EFCAB5: variants seen among roughly 807,000 people sequenced by gnomAD.
The protein encoded by EFCAB5 is EF-hand calcium binding domain 5.
In EFCAB5, 131 loss-of-function variants were observed where a neutral mutation model predicts 167.9. The observed-to-expected ratio is 0.78, with a 90% confidence interval of 0.68 to 0.90. The LOEUF (loss-of-function observed/expected upper bound fraction) is 0.90. EFCAB5 is among the 40% of genes least tolerant of loss of function. EFCAB5 has a pLI of 0.00. For synonymous variants in EFCAB5, 574 were observed against 602.8 expected, an observed-to-expected ratio of 0.95 and a Z score of 0.70; for missense variants, 1,663 against 1,745.2, an observed-to-expected ratio of 0.95 and a Z score of 0.84.
chr17:29,989,740 T>C (rs957213096), intron 4 of EFCAB5, among the ~76,000 whole-genome samples: 4 of 152,242 alleles, frequency 2.6e-5, no homozygotes, highest in African/African-American at 9.6e-5. Flanking sequence ...CTTTTTCTAA[T>C]TGTTCAGTAA....
At chr17:30,027,355 G>T (rs1260656956) in intron 7 of EFCAB5, among the ~76,000 whole-genome samples, 1 of 134,866 alleles carries the variant, frequency 7.4e-6, no homozygotes, top group Non-Finnish European at 1.5e-5. Context: ...TTATGGCAAA[G>T]TAGCATATTT....
intron 21 of EFCAB5, 54 bp downstream of exon 21, chr17:30,092,211 T>C (rs2071213718): frequency 9.8e-6 from 15 of 1,524,348 alleles, no homozygotes; most frequent in Non-Finnish European, 1.3e-5. Context: ...CTAAACAAAT[T>C]TAACTGTACA....
At chr17:29,973,480 CTT>C (rs35478169) in intron 4 of EFCAB5, among the ~76,000 whole-genome samples, 23 of 135,536 alleles carry the variant, frequency 1.7e-4, no homozygotes, top group South Asian at 2.3e-4. Context: ...TTCCTTTTTC[CTT>C]TTTTTTTTTT....
At chr17:30,015,462 C>T (rs1463757612) in intron 7 of EFCAB5, among the ~76,000 whole-genome samples, 3 of 152,196 alleles carry the variant, frequency 2.0e-5, no homozygotes, top group Admixed American at 2.0e-4. Context: ...GGTCTTTTCA[C>T]ATAGTCCCAT....
chr17:29,968,325 C>A (rs567431118), intron 3 of EFCAB5: 1 of 453,904 alleles, frequency 2.2e-6, no homozygotes, highest in Non-Finnish European at 4.4e-6. Flanking sequence ...CCTTTACCAG[C>A]GATTGGTCTG....
chr17:30,057,407 A>G (rs1416203696), intron 12 of EFCAB5, among the ~76,000 whole-genome samples: 1 of 152,218 alleles, frequency 6.6e-6, no homozygotes, highest in Non-Finnish European at 1.5e-5. Flanking sequence ...AGTAGGTTAC[A>G]TTGCTATCAT....
At chr17:29,967,798 A>C (rs2067862505) in intron 3 of EFCAB5, among the ~76,000 whole-genome samples, 1 of 152,132 alleles carries the variant, frequency 6.6e-6, no homozygotes, top group African/African-American at 2.4e-5. Context: ...AAATGAAGAC[A>C]TAAAGGAAGC....
chr17:29,960,425 T>C (rs1302444673), intron 3 of EFCAB5, among the ~76,000 whole-genome samples: 8 of 152,180 alleles, frequency 5.3e-5, no homozygotes, highest in Admixed American at 5.2e-4. Context: ...TCTCTCAAAA[T>C]TTCATTTTTT....
chr17:30,036,718 C>T (rs1015910846), intron 8 of EFCAB5, among the ~76,000 whole-genome samples: 19 of 152,192 alleles, frequency 1.2e-4, no homozygotes, highest in Non-Finnish European at 2.5e-4. Context: ...TGAGCCACCA[C>T]ATCCAGCCTC....
intron 4 of EFCAB5, among the ~76,000 whole-genome samples, chr17:29,972,045 A>AT (rs1001589724): frequency 2.9e-4 from 41 of 142,816 alleles, no homozygotes; most frequent in East Asian, 4.0e-4. Context: ...AACGTCATGC[A>AT]TTTTTTTTTT....
At chr17:30,053,231 T>C (rs1486778107) in intron 9 of EFCAB5, 24 bp from the exon 10 acceptor site, 2 of 1,561,048 alleles carry the variant, frequency 1.3e-6, no homozygotes, top group Non-Finnish European at 1.7e-6. Flanking sequence ...ATGGTTTAAG[T>C]GAATATTTTG....
At chr17:30,098,830 C>T (rs1330093884) in intron 22 of EFCAB5, among the ~76,000 whole-genome samples, 1 of 152,228 alleles carries the variant, frequency 6.6e-6, no homozygotes, top group Non-Finnish European at 1.5e-5. Flanking sequence ...CCCTCTAGCT[C>T]CTGGGAGCCA....
intron 1 of EFCAB5, among the ~76,000 whole-genome samples, chr17:29,935,965 T>C (rs1182690611): frequency 6.6e-6 from 1 of 151,914 alleles, no homozygotes; most frequent in Non-Finnish European, 1.5e-5. Flanking sequence ...TATAGAACTA[T>C]AGAAAAACTA....
chr17:30,064,265 A>C (rs182946234), intron 14 of EFCAB5, among the ~76,000 whole-genome samples: 1 of 152,348 alleles, frequency 6.6e-6, no homozygotes, highest in East Asian at 1.9e-4. Context: ...CAGTTCAACA[A>C]AATCAGGAAA....
upstream of EFCAB5, among the ~76,000 whole-genome samples, chr17:29,937,344 G>T (rs909982506): frequency 2.6e-5 from 4 of 151,938 alleles, no homozygotes; most frequent in Non-Finnish European, 5.9e-5. Flanking sequence ...GTGCCACCAC[G>T]CCCGGCTAAT....
At position 30,053,532 on chromosome 17, in the gene EFCAB5, A is replaced by G; in HGVS notation, c.1578A>G (p.Gln526=). 6.2e-7 allele frequency: 1 copy of G among 1,613,928 alleles called. No individual in the cohort carries two copies. Among genetic ancestry groups the G allele is most frequent in the Non-Finnish European group, 8.5e-7 (1 of 1,179,862 alleles). ...CACAAAGAATTTCAATTGAAGAACA[A>G]CAACAAGGCAAAAAGCCAACTGCAG... is the stretch of plus-strand genomic sequence containing the variant. ...QGPQRISIEE[Q]QQGKKPTAEQ... The change falls in exon 10 of 23, where the codon CAA becomes CAG. Residue 526 remains glutamine (Q), a synonymous_variant. Transcript: ENST00000394835.
chr17:29,946,429 C>CTTTTTTTTTTTTTT (rs58247381), intron 3 of EFCAB5, among the ~76,000 whole-genome samples: 2 of 85,444 alleles, frequency 2.3e-5, no homozygotes, highest in Non-Finnish European at 2.1e-5. Context: ...ATGGAAATTT[C>CTTTTTTTTTTTTTT]TTTTTTTTTT....
chr17:29,952,336 C>T (rs957005297), intron 3 of EFCAB5, among the ~76,000 whole-genome samples: 4 of 152,186 alleles, frequency 2.6e-5, no homozygotes, highest in Non-Finnish European at 5.9e-5. Context: ...TAGGTTCCAA[C>T]ATATGAATTT....
chr17:30,047,957 C>G (rs977785024), intron 8 of EFCAB5, among the ~76,000 whole-genome samples: 14 of 152,134 alleles, frequency 9.2e-5, no homozygotes, highest in African/African-American at 3.4e-4. Context: ...CTAGGCTTTA[C>G]TCAAAGGGCC....
Sources: allele counts gnomAD v4.1 joint callset (sites outside exome capture counted in the v4.1 genomes callset), GRCh38; gene constraint gnomAD v4.1.1; transcripts MANE v1.5; gene names NCBI Gene and HGNC (gene_info 2026-07-23, HGNC 2026-07-21).